Variants in SEMA3D observed in about 807,000 individuals in gnomAD.
SEMA3D encodes semaphorin-3D.
SEMA3D carries 84 observed loss-of-function variants against 100.1 expected under a neutral mutation model. The observed-to-expected ratio is 0.84, with a 90% CI of 0.70 to 1.01. The LOEUF (loss-of-function observed/expected upper bound fraction) is 1.01. Ranked by LOEUF, SEMA3D falls within the 50% of genes least tolerant of loss-of-function variation. The pLI, the probability that SEMA3D is intolerant of heterozygous loss-of-function variation, is 0.00. For missense variants in SEMA3D, 875 were observed against 934.1 expected, an observed-to-expected ratio of 0.94 and a Z score of 0.82; for synonymous variants, 312 against 320.7, an observed-to-expected ratio of 0.97 and a Z score of 0.29.
chr7:85,135,917 T>C (rs1448141504), intron 2 of SEMA3D, among the ~76,000 whole-genome samples: 1 of 152,054 alleles, frequency 6.6e-6, no homozygotes, highest in Non-Finnish European at 1.5e-5. Context: ...TAAGTAGAAT[T>C]TAAAGACATA....
chr7:85,178,936 C>T (rs985799713), intron 1 of SEMA3D, among the ~76,000 whole-genome samples: 1 of 152,160 alleles, frequency 6.6e-6, no homozygotes, highest in Admixed American at 6.5e-5. Context: ...GGCCAAGTTA[C>T]AGCTCAGGCC....
intron 4 of SEMA3D, among the ~76,000 whole-genome samples, chr7:85,084,233 T>C (rs796930432): frequency 2.0e-5 from 3 of 152,306 alleles, no homozygotes; most frequent in East Asian, 1.9e-4. Flanking sequence ...CTCTCACTTT[T>C]TCCCCCCTCC....
chr7:85,207,406 T>A, the SEMA3D span, among the ~76,000 whole-genome samples: 1 of 152,026 alleles, frequency 6.6e-6, no homozygotes, highest in South Asian at 2.1e-4. Flanking sequence ...CTTAATAACA[T>A]CCAATGGTTG....
Position 85,020,234 on chromosome 7 carries a change from T to G in SEMA3D, c.1502A>C (p.Lys501Thr). The G allele has an allele frequency of 6.2e-7, 1 of 1,603,698 alleles. No individual in the cohort carries two copies. The highest frequency in any genetic ancestry group is 8.5e-7 in the Non-Finnish European group (1 of 1,171,588). Residue 501 changes from lysine to threonine, a missense_variant and splice_region_variant, in exon 14 of 19, where the codon AAG becomes ACG. By Grantham distance (78) the Lys-to-Thr change is moderately conservative. Coordinates refer to ENST00000284136, the MANE Select transcript of SEMA3D (RefSeq NM_001384900.1). The part of the protein sequence containing the change: ...EVVLEELQIF[K>T]HSSIILNMEL... ...CTGGCACTCTGGACTGAGTCTTACCTTGAATATCTGCAACTCCTCCAGCAC... is the reference window on the plus strand; with the variant it reads ...CTGGCACTCTGGACTGAGTCTTACCGTGAATATCTGCAACTCCTCCAGCAC...
chr7:85,064,804 A>G (rs1791570737), intron 8 of SEMA3D, among the ~76,000 whole-genome samples: 1 of 152,144 alleles, frequency 6.6e-6, no homozygotes, highest in African/African-American at 2.4e-5. Flanking sequence ...CATTTATAAT[A>G]TTCTTATGTT....
the SEMA3D span, among the ~76,000 whole-genome samples, chr7:85,228,071 G>A: frequency 1.3e-5 from 2 of 152,098 alleles, no homozygotes; most frequent in African/African-American, 4.8e-5. Flanking sequence ...TTGGCCAAAA[G>A]CACAATGTTA....
chr7:85,190,346 A>G (rs1287111616), upstream of SEMA3D, among the ~76,000 whole-genome samples: 3 of 152,160 alleles, frequency 2.0e-5, no homozygotes, highest in Non-Finnish European at 4.4e-5. Context: ...TCTGTCTTAT[A>G]ATAAATATCA....
chr7:85,068,864 G>A (rs910127679), intron 6 of SEMA3D, among the ~76,000 whole-genome samples: 3 of 152,050 alleles, frequency 2.0e-5, no homozygotes, highest in Non-Finnish European at 2.9e-5. Flanking sequence ...TCACTATGAC[G>A]AAAACACTGT....
At chr7:85,010,420 G>T (rs1027302644) in intron 17 of SEMA3D, among the ~76,000 whole-genome samples, 7 of 151,728 alleles carry the variant, frequency 4.6e-5, no homozygotes, top group African/African-American at 1.7e-4. Context: ...ACTAAGTGGG[G>T]TACAGACAGA....
chr7:85,042,633 T>C (rs968228203), intron 9 of SEMA3D, among the ~76,000 whole-genome samples: 4 of 152,146 alleles, frequency 2.6e-5, no homozygotes, highest in African/African-American at 7.2e-5. Context: ...GTTTTCTCAC[T>C]GATAAAAATG....
At chr7:85,231,511 G>T in the SEMA3D span, among the ~76,000 whole-genome samples, 8 of 144,746 alleles carry the variant, frequency 5.5e-5, no homozygotes, top group Non-Finnish European at 8.9e-5. Flanking sequence ...GCAGTAGTGG[G>T]GCGATCTCGG....
At chr7:85,079,860 G>A (rs1788002774) in intron 5 of SEMA3D, among the ~76,000 whole-genome samples, 2 of 152,126 alleles carry the variant, frequency 1.3e-5, no homozygotes, top group Non-Finnish European at 2.9e-5. Context: ...CATAACCAAA[G>A]CATTTCATTC....
chr7:85,239,186 G>A, the SEMA3D span, among the ~76,000 whole-genome samples: 4 of 152,198 alleles, frequency 2.6e-5, no homozygotes, highest in Non-Finnish European at 5.9e-5. Context: ...ATGTGTTACG[G>A]TTTAAATGTA....
chr7:85,138,569 C>T (rs1039700612), intron 2 of SEMA3D, among the ~76,000 whole-genome samples: 1 of 148,500 alleles, frequency 6.7e-6, no homozygotes, highest in African/African-American at 2.5e-5. Flanking sequence ...AACATGAATA[C>T]CTTTCACCCC....
chr7:85,081,754 TAAAAG>T (rs1362783073), intron 4 of SEMA3D, among the ~76,000 whole-genome samples, 175 bp from the exon 5 acceptor site: 3 of 152,208 alleles, frequency 2.0e-5, no homozygotes, highest in African/African-American at 7.2e-5. Context: ...TGAAAGTTTC[TAAAAG>T]AAAAGTGTCT....
chr7:85,134,876 G>A (rs920242566), intron 2 of SEMA3D, among the ~76,000 whole-genome samples: 2 of 151,914 alleles, frequency 1.3e-5, no homozygotes, highest in Non-Finnish European at 2.9e-5. Context: ...TGGGAATGTG[G>A]GGACTAAACT....
At chr7:85,213,391 CA>C in the SEMA3D span, among the ~76,000 whole-genome samples, 1 of 151,812 alleles carries the variant, frequency 6.6e-6, no homozygotes. Flanking sequence ...TTTTAAAATC[CA>C]AAATGGTATT....
chr7:85,250,019 C>A, the SEMA3D span, among the ~76,000 whole-genome samples: 1 of 152,070 alleles, frequency 6.6e-6, no homozygotes, highest in African/African-American at 2.4e-5. Flanking sequence ...ACGCACCGTG[C>A]ACGAGCCAAA....
chr7:85,184,162 C>T (rs1253886448), intron 1 of SEMA3D, among the ~76,000 whole-genome samples: 1 of 152,126 alleles, frequency 6.6e-6, no homozygotes, highest in East Asian at 1.9e-4. Context: ...GAGTGTTCTC[C>T]ACATGTAAAT....
Sources: allele counts gnomAD v4.1 joint callset (sites outside exome capture counted in the v4.1 genomes callset), GRCh38; gene constraint gnomAD v4.1.1; transcripts MANE v1.5; gene names NCBI Gene and HGNC (gene_info 2026-07-23, HGNC 2026-07-21).